TET3: variants seen among roughly 807,000 people sequenced by gnomAD.
TET3 encodes tet methylcytosine dioxygenase 3, also known as methylcytosine dioxygenase TET3.
Under a neutral mutation model 141.4 loss-of-function variants are expected in TET3, and 19 were observed. The ratio of observed to expected loss-of-function variants is 0.13; its 90% CI spans 0.09 to 0.20. TET3 has a LOEUF of 0.20. TET3 is among the 10% of genes least tolerant of loss of function. The pLI is 1.00. For synonymous variants in TET3, 1,043 were observed against 980.9 expected, an observed-to-expected ratio of 1.06 and a Z score of -1.18; for missense variants, 1,874 against 2,356.9, an observed-to-expected ratio of 0.80 and a Z score of 4.24.
At chr2:74,090,332 CG>C (rs1299344564) in intron 8 of TET3, among the ~76,000 whole-genome samples, 4 of 152,204 alleles carry the variant, frequency 2.6e-5, no homozygotes, top group Non-Finnish European at 5.9e-5. Context: ...ATATTCAAAT[CG>C]CTTGTCAGAA....
At chr2:74,050,971 C>T (rs577052938) in intron 4 of TET3, among the ~76,000 whole-genome samples, 16 of 152,200 alleles carry the variant, frequency 1.1e-4, no homozygotes, top group South Asian at 2.1e-4. Context: ...GTGGCTATAT[C>T]GCAGGGGTAC....
chr2:74,090,780 C>T (rs1180899689), intron 8 of TET3, among the ~76,000 whole-genome samples: 1 of 152,244 alleles, frequency 6.6e-6, no homozygotes, highest in African/African-American at 2.4e-5. Flanking sequence ...TCCTGAGAGG[C>T]GGTCTCCACT....
At chr2:74,051,294 C>T (rs79901314) in intron 4 of TET3, among the ~76,000 whole-genome samples, 104 of 152,318 alleles carry the variant, frequency 6.8e-4, no homozygotes, top group African/African-American at 2.3e-3. Context: ...GAAACCAGAC[C>T]TCCAGGAACT....
intron 4 of TET3, among the ~76,000 whole-genome samples, chr2:74,071,889 TCATC>T (rs1445756791): frequency 6.6e-6 from 1 of 152,246 alleles, no homozygotes; most frequent in Non-Finnish European, 1.5e-5. Flanking sequence ...CATTTAAAAT[TCATC>T]CATGTTGTTA....
At chr2:74,032,737 G>T (rs927764869) in intron 3 of TET3, among the ~76,000 whole-genome samples, 2 of 152,144 alleles carry the variant, frequency 1.3e-5, no homozygotes, top group African/African-American at 4.8e-5. Flanking sequence ...AGAGGCTAGG[G>T]GTGGGGCATG....
chr2:74,094,188 G>C (rs953673391), intron 10 of TET3, among the ~76,000 whole-genome samples: 1 of 152,222 alleles, frequency 6.6e-6, no homozygotes, highest in South Asian at 2.1e-4. Context: ...TAGATGAGAG[G>C]CTGCTCTGAG....
chr2:74,011,093 TG>T (rs1384368993), intron 3 of TET3, among the ~76,000 whole-genome samples: 1 of 151,732 alleles, frequency 6.6e-6, no homozygotes, highest in Non-Finnish European at 1.5e-5. Flanking sequence ...CTGGGTGCGG[TG>T]GTGGGTGCCC....
Position 74,092,940 on chromosome 2 carries a change from CG to C in TET3, c.3079del (p.Glu1027LysfsTer18). Reference protein sequence around the residue: ...LRKSFQDLATEVAPLYKRLAP... With the variant: ...LRKSFQDLATXVAPLYKRLAP... Reference sequence around the variant, plus strand: ...GGAAGAGTTTCCAGGACCTGGCCACCGAAGTCGCTCCCCTGTACAAGCGACT... The same window carrying C: ...GGAAGAGTTTCCAGGACCTGGCCACCAAGTCGCTCCCCTGTACAAGCGACT... On this transcript the variant is annotated frameshift_variant, in exon 9 of 12. Coordinates refer to ENST00000409262, the MANE Select transcript of TET3 (RefSeq NM_001287491.2). LOFTEE classifies it high-confidence loss of function. The C allele has an allele frequency of 1.3e-6, 2 of 1,589,932 alleles. No homozygotes were observed. The highest frequency in any genetic ancestry group is 1.1e-5 in the South Asian group (1 of 87,000).
At chr2:73,988,017 A>T (rs1293986704) in intron 2 of TET3, among the ~76,000 whole-genome samples, 1 of 152,182 alleles carries the variant, frequency 6.6e-6, no homozygotes, top group Non-Finnish European at 1.5e-5. Flanking sequence ...GCCTTGTGGA[A>T]GCTGTATGTC....
At chr2:74,133,597 T>C in the TET3 span, among the ~76,000 whole-genome samples, 4 of 152,242 alleles carry the variant, frequency 2.6e-5, no homozygotes, top group Admixed American at 6.5e-5. Context: ...TCTCACCACA[T>C]GGACCTCTCT....
At chr2:74,135,063 G>A in the TET3 span, 3 of 228,092 alleles carry the variant, frequency 1.3e-5, no homozygotes, top group African/African-American at 4.6e-5. Context: ...TCAAAGGGTG[G>A]AGGATCTTCA....
intron 4 of TET3, among the ~76,000 whole-genome samples, chr2:74,059,346 C>T (rs1298035290): frequency 4.6e-5 from 7 of 152,164 alleles, no homozygotes; most frequent in East Asian, 1.9e-4. Context: ...TTCGCCTCCC[C>T]GGTTCAGGTG....
chr2:74,084,514 A>T (rs1156396275), intron 6 of TET3, among the ~76,000 whole-genome samples: 1 of 149,944 alleles, frequency 6.7e-6, no homozygotes, highest in Non-Finnish European at 1.5e-5. Context: ...GTGCAGTGGC[A>T]CGATCTTGGC....
At position 74,102,448 on chromosome 2, in the gene TET3, TC is replaced by T. The variant is rs3834778; in HGVS notation, c.*281del. 39,920 of 278,676 alleles carry T rather than the reference TC, an allele frequency of 0.14. 3,240 individuals carry two copies. The highest frequency in any genetic ancestry group is 0.28 in the East Asian group (4,383 of 15,730). The allele number at this position is 278,676 out of a possible 1,614,324, so 17.3% of individuals were successfully genotyped here. A position where few individuals can be genotyped will look rare whatever the true frequency, so the allele number is the denominator to read the frequency against. ...TCTTAATATTTATATCTCCAAGTTG[TC>T]CCCCCCCCTTGTCTGGGGGGTTTTT... is the stretch of plus-strand genomic sequence containing the variant. On this transcript the variant is annotated 3_prime_UTR_variant, in exon 12 of 12. Transcript: ENST00000409262.
intron 4 of TET3, among the ~76,000 whole-genome samples, chr2:74,066,412 T>C (rs1335131338): frequency 2.0e-5 from 3 of 152,260 alleles, no homozygotes; most frequent in Non-Finnish European, 2.9e-5. Context: ...ATGTTACACA[T>C]ATGCATGCAC....
intron 3 of TET3, among the ~76,000 whole-genome samples, chr2:74,008,172 C>G (rs757215292): frequency 1.8e-4 from 28 of 152,190 alleles, no homozygotes; most frequent in Non-Finnish European, 3.1e-4. Flanking sequence ...TTCCACTCTT[C>G]TATACCCTCC....
chr2:74,116,529 A>C, the TET3 span, among the ~76,000 whole-genome samples: 2 of 151,868 alleles, frequency 1.3e-5, no homozygotes, highest in Non-Finnish European at 2.9e-5. Flanking sequence ...AATGCAAAAA[A>C]TTAGCTGGGT....
intron 2 of TET3, among the ~76,000 whole-genome samples, chr2:73,992,734 G>A (rs1684399800): frequency 6.6e-6 from 1 of 152,064 alleles, no homozygotes; most frequent in South Asian, 2.1e-4. Flanking sequence ...ACCAGAGATG[G>A]GCTAAAAGTC....
chr2:74,123,895 C>T, the TET3 span, among the ~76,000 whole-genome samples: 1 of 151,004 alleles, frequency 6.6e-6, no homozygotes, highest in South Asian at 2.1e-4. Context: ...GTGAGGAGCG[C>T]CTCTGCCAGG....
Sources: gnomAD v4.1 joint callset for allele counts (sites outside exome capture counted in the v4.1 genomes callset) on GRCh38, gnomAD v4.1.1 for gene constraint, MANE v1.5 for transcripts, NCBI Gene and HGNC (gene_info 2026-07-23, HGNC 2026-07-21) for gene names.